The following ADK variants were observed in gnomAD, a reference collection of about 807,000 sequenced individuals.
ADK encodes the protein adenosine kinase.
ADK carries 24 observed loss-of-function variants against 44.7 expected under a neutral mutation model. The ratio of observed to expected loss-of-function variants is 0.54; its 90% CI spans 0.39 to 0.76. The LOEUF is 0.76. Ranked by LOEUF, ADK falls within the 30% of genes least tolerant of loss-of-function variation. The pLI is 0.00. For missense variants in ADK, 321 were observed against 425.1 expected, an observed-to-expected ratio of 0.76 and a Z score of 2.15; for synonymous variants, 128 against 142.6, an observed-to-expected ratio of 0.90 and a Z score of 0.73.
intron 1 of ADK, among the ~76,000 whole-genome samples, chr10:74,199,139 T>G (rs1322764998): frequency 6.6e-6 from 1 of 152,208 alleles, no homozygotes; most frequent in African/African-American, 2.4e-5. Context: ...CAGTCATTTT[T>G]TTGTGAAGGG....
At position 74,379,537 on chromosome 10, in the gene ADK, A is replaced by C. The variant is rs1482594547; in HGVS notation, c.274-14604A>C. 3.3e-5 allele frequency among the ~76,000 whole-genome samples: 5 copies of C among 152,168 alleles called. No homozygotes were observed. The South Asian group carries it at 6.2e-4, about 19-fold the overall frequency. On this transcript the variant is annotated intron_variant, in intron 4 of 10. Coordinates refer to ENST00000539909, the MANE Select transcript of ADK (RefSeq NM_006721.4). ...AACCAACAAGGCCCACATAATCTAG[A>C]ACTGCATATTTTTCTAACCGTTTTC...
intron 4 of ADK, among the ~76,000 whole-genome samples, chr10:74,347,748 A>G (rs758404738): frequency 2.8e-4 from 42 of 152,098 alleles, no homozygotes; most frequent in Non-Finnish European, 5.6e-4. Context: ...GGCATCTGCA[A>G]TTACTGAGGC....
intron 7 of ADK, among the ~76,000 whole-genome samples, chr10:74,545,387 G>A (rs916174557): frequency 3.3e-5 from 5 of 152,222 alleles, no homozygotes; most frequent in South Asian, 2.1e-4. Context: ...GCCTCAATTC[G>A]TGGTACCCTT....
intron 4 of ADK, among the ~76,000 whole-genome samples, chr10:74,381,590 A>G (rs1842978249): frequency 6.6e-6 from 1 of 152,206 alleles, no homozygotes; most frequent in Non-Finnish European, 1.5e-5. Flanking sequence ...TTTGAATGAA[A>G]TGATCAGCCA....
At position 74,442,786 on chromosome 10, in the gene ADK, TAAAG is replaced by T. The variant is rs574224004; in HGVS notation, c.555+44212_555+44215del. 4.0e-3 allele frequency among the ~76,000 whole-genome samples: 612 copies of T among 152,212 alleles called. 3 individuals carry two copies. The highest frequency in any genetic ancestry group is 0.014 in the African/African-American group (575 of 41,528). On this transcript the variant is annotated intron_variant, in intron 6 of 10. Coordinates refer to ENST00000539909, the MANE Select transcript of ADK (RefSeq NM_006721.4). Reference sequence around the variant, plus strand: ...AGGAGTCTGTCAACAGATGAATGGATAAAGAAAGTATATGTATATATAAACAGTG... The same window carrying T: ...AGGAGTCTGTCAACAGATGAATGGATAAAGTATATGTATATATAAACAGTG...
intron 3 of ADK, among the ~76,000 whole-genome samples, chr10:74,284,663 A>C (rs1379855716): frequency 1.3e-5 from 2 of 152,224 alleles, no homozygotes; most frequent in African/African-American, 4.8e-5. Context: ...CATCTCTCCA[A>C]CTCCCTACTC....
intron 9 of ADK, among the ~76,000 whole-genome samples, chr10:74,662,883 T>C (rs979671319): frequency 1.3e-5 from 2 of 152,168 alleles, no homozygotes; most frequent in Non-Finnish European, 2.9e-5. Context: ...TCCCCTCCCT[T>C]GTCACACTTC....
At chr10:74,486,782 A>G (rs1847282018) in intron 6 of ADK, among the ~76,000 whole-genome samples, 1 of 152,176 alleles carries the variant, frequency 6.6e-6, no homozygotes, top group Admixed American at 6.5e-5. Context: ...TCTCAGAATT[A>G]TGGTGAGAAT....
intron 6 of ADK, among the ~76,000 whole-genome samples, chr10:74,516,239 C>T (rs890510792): frequency 4.6e-5 from 7 of 152,118 alleles, no homozygotes; most frequent in African/African-American, 1.7e-4. Flanking sequence ...ACTTTTTTCC[C>T]TGCAATAGCA....
chr10:74,343,008 A>G (rs2131880049), intron 4 of ADK, among the ~76,000 whole-genome samples: 1 of 152,252 alleles, frequency 6.6e-6, no homozygotes, highest in Admixed American at 6.5e-5. Context: ...TAGTAGTTGT[A>G]ATGTAACAGT....
intron 4 of ADK, among the ~76,000 whole-genome samples, chr10:74,384,352 A>C (rs923523718): frequency 3.9e-5 from 6 of 152,154 alleles, no homozygotes; most frequent in Admixed American, 1.3e-4. Context: ...TAGGAATGAT[A>C]CAGTTTGTTG....
chr10:74,547,755 T>C (rs1274511598), intron 7 of ADK, among the ~76,000 whole-genome samples: 1 of 152,142 alleles, frequency 6.6e-6, no homozygotes, highest in African/African-American at 2.4e-5. Context: ...ACCTCCTGGA[T>C]TGAAGCAATT....
intron 4 of ADK, among the ~76,000 whole-genome samples, chr10:74,315,216 C>T (rs968277457): frequency 6.6e-6 from 1 of 151,994 alleles, no homozygotes; most frequent in Non-Finnish European, 1.5e-5. Context: ...TTACGAAGGA[C>T]GTTTCTGCCA....
At position 74,596,777 on chromosome 10, in the gene ADK, G is replaced by A. The variant is rs147780617; in HGVS notation, c.763-3602G>A. ...GCCCAGGCTAGTCTCAAACTCCTAG[G>A]CTCAAGCGATTCACCCGCCTCCGCC... On this transcript the variant is annotated intron_variant, in intron 8 of 10. Transcript: ENST00000539909. Among the ~76,000 whole-genome samples the A allele has an allele frequency of 6.6e-5, 10 of 152,170 alleles. No homozygotes were observed. In the East Asian group the frequency reaches 1.9e-3, roughly 29 times the overall value.
chr10:74,378,001 G>A (rs1050009806), intron 4 of ADK, among the ~76,000 whole-genome samples: 1 of 151,372 alleles, frequency 6.6e-6, no homozygotes, highest in African/African-American at 2.4e-5. Flanking sequence ...TTGGAGATGA[G>A]GTGTCTCAAA....
intron 7 of ADK, among the ~76,000 whole-genome samples, chr10:74,583,467 TA>T (rs1851435510): frequency 6.6e-6 from 1 of 152,230 alleles, no homozygotes. Flanking sequence ...TGGTTGACCA[TA>T]ATCAGGTATA....
intron 8 of ADK, among the ~76,000 whole-genome samples, chr10:74,597,826 C>T (rs1295486841): frequency 6.6e-6 from 1 of 152,142 alleles, no homozygotes; most frequent in Non-Finnish European, 1.5e-5. Flanking sequence ...GGAGATACTA[C>T]TTTGGGGCTA....
Position 74,580,986 on chromosome 10 carries a change from A to G in ADK, c.727-8296A>G, listed in dbSNP as rs78927249. Among the ~76,000 whole-genome samples the G allele has an allele frequency of 2.6e-5, 4 of 151,810 alleles. No homozygotes were observed. The East Asian group carries it at 7.8e-4, about 30-fold the overall frequency. ...GGATTTTGAGGCCAGCCTGTGCAACACAGCAAGACCCTATCTCAGTCAATC... is the reference window on the plus strand; with the variant it reads ...GGATTTTGAGGCCAGCCTGTGCAACGCAGCAAGACCCTATCTCAGTCAATC... On this transcript the variant is annotated intron_variant, in intron 7 of 10. Transcript: ENST00000539909.
chr10:74,224,201 T>C (rs112980723), intron 2 of ADK, among the ~76,000 whole-genome samples: 81 of 152,354 alleles, frequency 5.3e-4, no homozygotes, highest in African/African-American at 1.9e-3. Context: ...TAATGAATGA[T>C]TTACATATTA....
Sources: gnomAD v4.1 joint callset for allele counts (sites outside exome capture counted in the v4.1 genomes callset) on GRCh38, gnomAD v4.1.1 for gene constraint, MANE v1.5 for transcripts, NCBI Gene and HGNC (gene_info 2026-07-23, HGNC 2026-07-21) for gene names.